PHYHIP: variants seen among roughly 807,000 people sequenced by gnomAD.
The protein encoded by PHYHIP is phytanoyl-CoA 2-hydroxylase interacting protein, also known as phytanoyl-CoA hydroxylase-interacting protein.
In PHYHIP, 7 loss-of-function variants were observed where a neutral mutation model predicts 26.1. The observed-to-expected ratio is 0.27, with a 90% CI of 0.15 to 0.50. PHYHIP has a LOEUF of 0.50. Ranked by LOEUF, PHYHIP falls within the 20% of genes least tolerant of loss-of-function variation. The pLI is 0.98. For synonymous variants in PHYHIP, 206 were observed against 183.4 expected (o/e 1.12, Z -1.00); for missense variants, 232 against 454.7 (o/e 0.51, Z 4.45).
At chr8:22,224,709 A>G (rs1485163667) in intron 3 of PHYHIP, among the ~76,000 whole-genome samples, 1 of 152,170 alleles carries the variant, frequency 6.6e-6, no homozygotes, top group Non-Finnish European at 1.5e-5. Context: ...GGAAGACTTG[A>G]GACGGGAGGG....
chr8:22,221,862 G>A lies in PHYHIP; in HGVS notation c.484C>T (p.Pro162Ser). ...CTGCCACTGTTGTCCTTCAGGTAAGGCTGCAGCATGTTCCCGCAGTGGGTC... is the reference window on the plus strand; with the variant it reads ...CTGCCACTGTTGTCCTTCAGGTAAGACTGCAGCATGTTCCCGCAGTGGGTC... ...ARTHCGNMLQ[P>S]YLKDNSGSHG... Residue 162 changes from proline to serine, a missense_variant, in exon 5 of 5, where the codon CCT becomes TCT. Coordinates refer to ENST00000454243, the MANE Select transcript of PHYHIP (RefSeq NM_014759.5). This position sits in a 1 kb window ranked among gnomAD's most constrained non-coding sequence, Gnocchi z 7.9. The A allele has an allele frequency of 6.5e-7, 1 of 1,545,814 alleles. No homozygotes were observed. The highest frequency in any genetic ancestry group is 8.7e-7 in the Non-Finnish European group (1 of 1,143,328).
chr8:22,230,777 C>T (rs2131935434), intron 1 of PHYHIP, among the ~76,000 whole-genome samples: 1 of 152,286 alleles, frequency 6.6e-6, no homozygotes, highest in Non-Finnish European at 1.5e-5. Context: ...TAAGAATGCC[C>T]CACAGTTTTC....
chr8:22,230,011 T>C (rs941090856), intron 1 of PHYHIP, among the ~76,000 whole-genome samples: 2 of 152,118 alleles, frequency 1.3e-5, no homozygotes, highest in Non-Finnish European at 2.9e-5. Context: ...GCATGGGGAA[T>C]CCTATGGTAA....
chr8:22,223,231 G>T (rs903023502), intron 4 of PHYHIP, among the ~76,000 whole-genome samples: 2 of 151,846 alleles, frequency 1.3e-5, no homozygotes, highest in South Asian at 4.2e-4. Context: ...GCATGGTGGC[G>T]CATACCTGTG....
chr8:22,230,103 A>G (rs1415989031), intron 1 of PHYHIP, among the ~76,000 whole-genome samples: 1 of 152,048 alleles, frequency 6.6e-6, no homozygotes, highest in Non-Finnish European at 1.5e-5. Context: ...ACCATAATAA[A>G]CCAGTTTGTA....
intron 3 of PHYHIP, among the ~76,000 whole-genome samples, chr8:22,226,115 G>T (rs973698707): frequency 2.0e-5 from 3 of 152,176 alleles, no homozygotes; most frequent in African/African-American, 7.2e-5. Context: ...AGAGTTTGCG[G>T]GGCCATTGAC....
rs1357537727 is a variant in PHYHIP, at chr8:22,228,398, G to A, written c.-29-12C>T. 7 of 1,516,652 alleles carry A rather than the reference G, an allele frequency of 4.6e-6. No individual in the cohort carries two copies. In the East Asian group the frequency reaches 7.2e-5, roughly 16 times the overall value. The allele number at this position is 1,516,652 out of a possible 1,614,324, so 93.9% of individuals were successfully genotyped here. A position where few individuals can be genotyped will look rare whatever the true frequency, so the allele number is the denominator to read the frequency against. ...GTCTCCTGTGGGGACTGAGGAGGAG[G>A]GAAAGGGTCAGTACATCCCTTGACC... On this transcript the variant is annotated splice_polypyrimidine_tract_variant and intron_variant, in intron 1 of 4. Transcript: ENST00000454243.
At chr8:22,231,082 C>G (rs1829857189) in intron 1 of PHYHIP, among the ~76,000 whole-genome samples, 1 of 152,236 alleles carries the variant, frequency 6.6e-6, no homozygotes, top group Non-Finnish European at 1.5e-5. Flanking sequence ...TGGCCACACT[C>G]TGCCAGCCCT....
At chr8:22,228,431 G>T in intron 1 of PHYHIP, 45 bp from the exon 2 acceptor site, 1 of 1,207,752 alleles carries the variant, frequency 8.3e-7, no homozygotes, top group Non-Finnish European at 1.2e-6. Context: ...ACCCCGGCGA[G>T]CTTTCTGGAA....
chr8:22,227,488 C>T (rs983148807), intron 2 of PHYHIP, among the ~76,000 whole-genome samples: 2 of 152,116 alleles, frequency 1.3e-5, no homozygotes, highest in African/African-American at 2.4e-5. Flanking sequence ...TCGGGAGAGC[C>T]GGTTCCAGAG....
At chr8:22,223,022 A>C (rs1381334387) in intron 4 of PHYHIP, among the ~76,000 whole-genome samples, 1 of 151,944 alleles carries the variant, frequency 6.6e-6, no homozygotes. Flanking sequence ...AAAGACTCCC[A>C]AGGTCCTCAC....
At chr8:22,224,198 G>T in intron 4 of PHYHIP, 28 bp downstream of exon 4, 2 of 1,343,550 alleles carry the variant, frequency 1.5e-6, no homozygotes, top group Non-Finnish European at 2.1e-6. Context: ...GAGGCCCGGC[G>T]GGTCCAGCCG....
At chr8:22,223,470 G>T (rs575624008) in intron 4 of PHYHIP, among the ~76,000 whole-genome samples, 6 of 151,998 alleles carry the variant, frequency 3.9e-5, no homozygotes, top group African/African-American at 9.6e-5. Flanking sequence ...GGGTACTCCT[G>T]GTCCTGCCTC....
At chr8:22,229,654 CCCTT>C (rs1463058153) in intron 1 of PHYHIP, among the ~76,000 whole-genome samples, 1 of 152,162 alleles carries the variant, frequency 6.6e-6, no homozygotes, top group African/African-American at 2.4e-5. Flanking sequence ...GCTTTCCAAT[CCCTT>C]CCTCCAGCCC....
intron 4 of PHYHIP, 142 bp downstream of exon 4, chr8:22,224,084 G>C (rs1369427420): frequency 3.1e-6 from 2 of 655,638 alleles, no homozygotes; most frequent in East Asian, 5.1e-5. Flanking sequence ...GAGCCAGCCT[G>C]GTGACGTCAG....
At chr8:22,224,178 G>A in intron 4 of PHYHIP, 48 bp downstream of exon 4, 1 of 1,105,536 alleles carries the variant, frequency 9.0e-7, no homozygotes, top group East Asian at 2.3e-5. Flanking sequence ...GGAAGGGCTG[G>A]GAGGGAGGAG....
At chr8:22,230,227 A>G (rs1829838993) in intron 1 of PHYHIP, among the ~76,000 whole-genome samples, 1 of 151,728 alleles carries the variant, frequency 6.6e-6, no homozygotes, top group South Asian at 2.1e-4. Context: ...ACACACACAC[A>G]CGAACACAGA....
rs368939225 is a variant in PHYHIP, at chr8:22,226,921, C to A, written c.270G>T (p.Thr90=). The part of the protein sequence containing the change: ...PRTEYSVAVQ[T]AVKQSDGEYL... The stretch of plus-strand genomic sequence containing the variant: ...ACTCCCCATCGCTCTGCTTCACTGC[C>A]GTCTGCACGGCCACACTGTACTCCG... Residue 90 remains threonine, a synonymous_variant, in exon 3 of 5, where the codon ACG becomes ACT. Coordinates refer to ENST00000454243, the MANE Select transcript of PHYHIP (RefSeq NM_014759.5). 1.9e-6 allele frequency: 3 copies of A among 1,614,164 alleles called. No individual in the cohort carries two copies. Among genetic ancestry groups the A allele is most frequent in the Non-Finnish European group, 2.5e-6 (3 of 1,180,032 alleles).
chr8:22,221,490 T>C lies in PHYHIP; in HGVS notation c.856A>G (p.Ile286Val), dbSNP rs769124747. 1 of 1,613,868 alleles carries C rather than the reference T, an allele frequency of 6.2e-7. No individual in the cohort carries two copies. Residue 286 changes from isoleucine (I) to valine (V), a missense_variant, in exon 5 of 5, where the codon ATC (isoleucine) becomes GTC (valine). Transcript: ENST00000454243. The surrounding 1 kb of genome is among the most constrained non-coding windows in gnomAD (Gnocchi z 7.9). ...FRHAQDLILE[I>V]IYTEPVDLSL... The stretch of plus-strand genomic sequence containing the variant: ...AGGTCGACGGGCTCAGTGTAGATGA[T>C]CTCCAGGATGAGGTCCTGGGCGTGG...
Sources: gnomAD v4.1 joint callset for allele counts (sites outside exome capture counted in the v4.1 genomes callset) on GRCh38, gnomAD v4.1.1 for gene constraint, Gnocchi (gnomAD v3.1) non-coding constraint, MANE v1.5 for transcripts, NCBI Gene and HGNC (gene_info 2026-07-23, HGNC 2026-07-21) for gene names.